The following WNT10A variants were observed in gnomAD, a reference collection of about 807,000 sequenced individuals.
WNT10A encodes protein Wnt-10a.
A neutral mutation model predicts 36.1 loss-of-function variants in WNT10A; 37 were observed. The observed-to-expected ratio is 1.02, with a 90% CI of 0.79 to 1.35. WNT10A has a LOEUF of 1.35. Ranked by LOEUF, WNT10A falls within the 40% of genes most tolerant of loss-of-function variation. The pLI is 0.00. For synonymous variants in WNT10A, 255 were observed against 254.1 expected (o/e 1.00, Z -0.03); for missense variants, 613 against 601.4 (o/e 1.02, Z -0.20).
At chr2:218,881,569 T>TG (rs386355609) in intron 1 of WNT10A, among the ~76,000 whole-genome samples, 6,119 of 150,122 alleles carry the variant, frequency 0.041, 349 homozygotes, top group African/African-American at 0.13. Context: ...TGTGTGTGTG[T>TG]TTTCAATCGA....
upstream of WNT10A, among the ~76,000 whole-genome samples, chr2:218,877,469 C>G (rs748649030): frequency 6.6e-6 from 1 of 152,240 alleles, no homozygotes; most frequent in African/African-American, 2.4e-5. The surrounding 1 kb of genome is among the most constrained non-coding windows in gnomAD (Gnocchi z 4.1). Context: ...GGGAAGGGGC[C>G]GGAAGTAGAG....
At chr2:218,888,713 T>C (rs1944611380) in intron 2 of WNT10A, among the ~76,000 whole-genome samples, 1 of 152,172 alleles carries the variant, frequency 6.6e-6, no homozygotes, top group Non-Finnish European at 1.5e-5. Context: ...CTCTGGAGTC[T>C]GGTCATTAGG....
intron 2 of WNT10A, among the ~76,000 whole-genome samples, chr2:218,886,439 T>C (rs1014578499): frequency 1.3e-5 from 2 of 152,180 alleles, no homozygotes; most frequent in Non-Finnish European, 2.9e-5. Flanking sequence ...TAACCCCTTC[T>C]AGTTCCCATT....
chr2:218,892,358 C>G (rs1475266493), intron 3 of WNT10A, among the ~76,000 whole-genome samples: 2 of 141,278 alleles, frequency 1.4e-5, no homozygotes, highest in African/African-American at 5.3e-5. Flanking sequence ...CACACACACA[C>G]ACGGCCTGGA....
Position 218,892,997 on chromosome 2 carries a change from C to G in WNT10A, c.980C>G (p.Pro327Arg). 1 of 1,540,280 alleles carries G rather than the reference C, an allele frequency of 6.5e-7. No homozygotes were observed. The highest frequency in any genetic ancestry group is 2.6e-5 in the East Asian group (1 of 39,076). Residue 327 changes from proline (P) to arginine (R), a missense_variant, in exon 4 of 4, where the codon CCG becomes CGG. Pro to Arg is a moderately radical substitution (Grantham distance 103). Coordinates refer to ENST00000258411, the MANE Select transcript of WNT10A (RefSeq NM_025216.3). ...TCGCCGGCTCCGGGCGCTCCCGGGC[C>G]GCGCCGACGGGCCAGCCCCGCCGAC... is the stretch of plus-strand genomic sequence containing the variant. Reference protein sequence around the residue: ...APSPAPGAPGPRRRASPADLV... With the variant: ...APSPAPGAPGRRRRASPADLV...
At position 218,893,239 on chromosome 2, in the gene WNT10A, C is replaced by T. The variant is rs1447903396; in HGVS notation, c.1222C>T (p.Arg408Cys). 6.4e-7 allele frequency: 1 copy of T among 1,562,806 alleles called. No individual in the cohort carries two copies. The highest frequency in any genetic ancestry group is 1.2e-5 in the South Asian group (1 of 86,956). Reference sequence around the variant, plus strand: ...CTGTTTCGTGGTCTGCGAAGAGTGCCGCATCACCGAGTGGGTCAGCGTCTG... The same window carrying T: ...CTGTTTCGTGGTCTGCGAAGAGTGCTGCATCACCGAGTGGGTCAGCGTCTG... The part of the protein sequence containing the change: ...WCCFVVCEEC[R>C]ITEWVSVCK Residue 408 changes from arginine (R) to cysteine (C), a missense_variant, in exon 4 of 4, where the codon CGC becomes TGC. Coordinates refer to ENST00000258411, the MANE Select transcript of WNT10A (RefSeq NM_025216.3). The surrounding 1 kb of genome is among the most constrained non-coding windows in gnomAD (Gnocchi z 6.3).
rs1474562928 is a variant in WNT10A, at chr2:218,892,984, G to A, written c.967G>A (p.Gly323Ser). 1 of 1,478,834 alleles carries A rather than the reference G, an allele frequency of 6.8e-7. No individual in the cohort carries two copies. Among genetic ancestry groups the A allele is most frequent in the Non-Finnish European group, 8.9e-7 (1 of 1,124,324 alleles). The allele number at this position is 1,478,834 out of a possible 1,614,324, so 91.6% of individuals were successfully genotyped here. The change falls in exon 4 of 4, where the codon GGC (glycine) becomes AGC (serine). Residue 323 changes from glycine (G) to serine (S), a missense_variant. Physicochemically the swap from Gly to Ser is moderately conservative, Grantham distance 56. Coordinates refer to ENST00000258411, the MANE Select transcript of WNT10A (RefSeq NM_025216.3). The stretch of plus-strand genomic sequence containing the variant: ...AGCGGGGGCACCCTCGCCGGCTCCG[G>A]GCGCTCCCGGGCCGCGCCGACGGGC... ...GPAGAPSPAP[G>S]APGPRRRASP...
chr2:218,891,887 T>C (rs764032191), intron 3 of WNT10A, among the ~76,000 whole-genome samples: 4 of 152,276 alleles, frequency 2.6e-5, no homozygotes, highest in Admixed American at 2.0e-4. Context: ...GGAGGGGATG[T>C]GGCCAACTTC....
In WNT10A at chr2:218,880,910, C is replaced by A; in HGVS notation, c.-86C>A. The A allele has an allele frequency of 6.9e-7, 1 of 1,447,206 alleles. No homozygotes were observed. The highest frequency in any genetic ancestry group is 9.1e-7 in the Non-Finnish European group (1 of 1,102,072). 89.6% of individuals were successfully genotyped at this position (1,447,206 alleles called of 1,614,324 possible). Reference sequence around the variant, plus strand: ...TGTGTGTCGCAGCCGCCCCGACCCCCCGCCGATCATGCGCCGGCGCCCCTG... The same window carrying A: ...TGTGTGTCGCAGCCGCCCCGACCCCACGCCGATCATGCGCCGGCGCCCCTG... On this transcript the variant is annotated 5_prime_UTR_variant, in exon 1 of 4. Transcript: ENST00000258411. This position sits in a 1 kb window ranked among gnomAD's most constrained non-coding sequence, Gnocchi z 7.7.
chr2:218,887,540 C>T (rs1450866441), intron 2 of WNT10A, among the ~76,000 whole-genome samples: 2 of 152,200 alleles, frequency 1.3e-5, no homozygotes, highest in Non-Finnish European at 2.9e-5. Context: ...GTTCCAGCCC[C>T]ATCCCCAGCC....
At chr2:218,877,720 T>C (rs575548273), upstream of WNT10A, among the ~76,000 whole-genome samples, 68 of 152,250 alleles carry the variant, frequency 4.5e-4, no homozygotes, top group African/African-American at 1.5e-3. This position sits in a 1 kb window ranked among gnomAD's most constrained non-coding sequence, Gnocchi z 4.1. Flanking sequence ...GGGGAACAAT[T>C]CCCTTCCCTT....
At chr2:218,880,842 G>A (rs1190486743), upstream of WNT10A, 11 of 845,532 alleles carry the variant, frequency 1.3e-5, no homozygotes, top group African/African-American at 1.8e-5. The surrounding 1 kb of genome is among the most constrained non-coding windows in gnomAD (Gnocchi z 7.7). Context: ...GGAGCGGGGA[G>A]GCGGGCGCCG....
chr2:218,890,030 G>A lies in WNT10A; in HGVS notation c.423G>A (p.Val141=), dbSNP rs748995277. The change falls in exon 3 of 4, where the codon GTG becomes GTA. Residue 141 remains valine (V), a synonymous_variant. Coordinates refer to ENST00000258411, the MANE Select transcript of WNT10A (RefSeq NM_025216.3). ...AFAYAIAAAG[V]VHAVSNACAL... is the part of the protein sequence containing the mutation. ...CCTACGCCATCGCAGCAGCTGGCGT[G>A]GTGCACGCCGTGTCCAATGCGTGTG... The A allele has an allele frequency of 6.2e-7, 1 of 1,613,732 alleles. No homozygotes were observed. Among genetic ancestry groups the A allele is most frequent in the African/African-American group, 1.3e-5 (1 of 74,938 alleles).
intron 2 of WNT10A, among the ~76,000 whole-genome samples, chr2:218,882,959 T>C (rs981986288): frequency 1.3e-5 from 2 of 152,174 alleles, no homozygotes; most frequent in African/African-American, 4.8e-5. Flanking sequence ...AAACCCTCTC[T>C]GAATCAGAGG....
At chr2:218,892,303 CCACACACACACACACACACA>C (rs60385784) in intron 3 of WNT10A, among the ~76,000 whole-genome samples, 1,241 of 100,950 alleles carry the variant, frequency 0.012, 31 homozygotes, top group African/African-American at 0.041. Flanking sequence ...ACCCACCCCA[CCACACACACACACACACACA>C]CACACACACA....
Position 218,892,774 on chromosome 2 carries a change from G to C in WNT10A, c.757G>C (p.Ala253Pro). The C allele has an allele frequency of 6.3e-7, 1 of 1,588,982 alleles. No homozygotes were observed. Among genetic ancestry groups the C allele is most frequent in the Non-Finnish European group, 8.6e-7 (1 of 1,168,896 alleles). Residue 253 changes from alanine (A) to proline (P), a missense_variant and splice_region_variant, in exon 4 of 4, where the codon GCA becomes CCA. By Grantham distance (27) the Ala-to-Pro change is conservative (BLOSUM62 -1). Coordinates refer to ENST00000258411, the MANE Select transcript of WNT10A (RefSeq NM_025216.3). ...RLHNNRVGRQAVMENMRRKCK... is the reference protein window; with the variant it reads ...RLHNNRVGRQPVMENMRRKCK... The stretch of plus-strand genomic sequence containing the variant: ...CCCCTCACGGTGCCTCCCTCCGCAG[G>C]CAGTGATGGAGAACATGCGGCGGAA...
rs1944626026 is a variant in WNT10A, at chr2:218,889,988, C to T, written c.381C>T (p.Phe127=). The T allele has an allele frequency of 2.5e-6, 4 of 1,612,614 alleles. No homozygotes were observed. Among genetic ancestry groups the T allele is most frequent in the Non-Finnish European group, 3.4e-6 (4 of 1,180,046 alleles). ...GTTCTGGGTCTTTAACCACAGGTTT[C>T]CGAGAGAGCGCTTTTGCCTACGCCA... ...PYESPIFSRG[F]RESAFAYAIA... Residue 127 remains phenylalanine, a synonymous_variant, in exon 3 of 4, where the codon TTC becomes TTT. Coordinates refer to ENST00000258411, the MANE Select transcript of WNT10A (RefSeq NM_025216.3).
upstream of WNT10A, among the ~76,000 whole-genome samples, chr2:218,880,040 G>A (rs890046205): frequency 6.6e-6 from 1 of 152,146 alleles, no homozygotes; most frequent in African/African-American, 2.4e-5. The surrounding 1 kb of genome is among the most constrained non-coding windows in gnomAD (Gnocchi z 7.7). Context: ...GGAGGCACCT[G>A]TTTAAGGTCA....
upstream of WNT10A, among the ~76,000 whole-genome samples, chr2:218,877,976 TC>T (rs1944468200): frequency 6.6e-6 from 1 of 152,052 alleles, no homozygotes; most frequent in South Asian, 2.1e-4. This position sits in a 1 kb window ranked among gnomAD's most constrained non-coding sequence, Gnocchi z 4.1. Context: ...CCCCCATGCT[TC>T]CCCGGCCCTT....
Sources: gnomAD v4.1 joint callset for allele counts (sites outside exome capture counted in the v4.1 genomes callset) on GRCh38, gnomAD v4.1.1 for gene constraint, Gnocchi (gnomAD v3.1) non-coding constraint, MANE v1.5 for transcripts, NCBI Gene and HGNC (gene_info 2026-07-23, HGNC 2026-07-21) for gene names.